ADGRA2: variants seen among roughly 807,000 people sequenced by gnomAD.
The protein encoded by ADGRA2 is G-protein coupled receptor 124.
A neutral mutation model predicts 98.7 loss-of-function variants in ADGRA2; 61 were observed. The ratio of observed to expected loss-of-function variants is 0.62; its 90% CI spans 0.50 to 0.76. The LOEUF (loss-of-function observed/expected upper bound fraction) is 0.76, where lower values mean the gene tolerates loss of function less well. Ranked by LOEUF, ADGRA2 falls within the 30% of genes least tolerant of loss-of-function variation. The pLI, the probability that ADGRA2 is intolerant of heterozygous loss-of-function variation, is 0.00. For synonymous variants in ADGRA2, 858 were observed against 831.5 expected (o/e 1.03, Z -0.55); for missense variants, 1,712 against 1,860.0 (o/e 0.92, Z 1.46).
chr8:37,821,199 C>G (rs1198583271), intron 2 of ADGRA2, among the ~76,000 whole-genome samples: 3 of 152,196 alleles, frequency 2.0e-5, no homozygotes, highest in Non-Finnish European at 4.4e-5. Flanking sequence ...GTGGAATCAT[C>G]CCTCCTTCTT....
At chr8:37,817,399 C>T (rs1805011282) in intron 2 of ADGRA2, among the ~76,000 whole-genome samples, 1 of 152,172 alleles carries the variant, frequency 6.6e-6, no homozygotes, top group African/African-American at 2.4e-5. Flanking sequence ...GAAGGGCTGC[C>T]ACCAAGCTGC....
At position 37,828,955 on chromosome 8, in the gene ADGRA2, C is replaced by T. The variant is rs1394320517; in HGVS notation, c.406C>T (p.Arg136Cys). ...GAFLGLGELK[R>C]LDLSNNRIGC... ...CTTCCTGGGCCTGGGGGAGCTGAAG[C>T]GTTTGTGAGTGGCACGCCCTCCCCT... The change falls in exon 3 of 19, where the codon CGT becomes TGT. Residue 136 changes from arginine to cysteine, a missense_variant. Arg to Cys is a radical substitution (Grantham distance 180, BLOSUM62 -3). Coordinates refer to ENST00000412232, the MANE Select transcript of ADGRA2 (RefSeq NM_032777.10). 3.8e-6 allele frequency: 6 copies of T among 1,573,344 alleles called. No homozygotes were observed. Among genetic ancestry groups the T allele is most frequent in the Admixed American group, 3.8e-5 (2 of 53,242 alleles).
At position 37,841,351 on chromosome 8, in the gene ADGRA2, C is replaced by T. The variant is rs1220751594; in HGVS notation, c.3013C>T (p.Pro1005Ser). ...GAGCGCGCGAGTGGGGACGCCCGGG[C>T]CCCCGGAGGATGGTGACAGCCTCTA... ...TGSARVGTPG[P>S]PEDGDSLYSP... Residue 1005 changes from proline to serine, a missense_variant, in exon 19 of 19, where the codon CCC (proline) becomes TCC (serine). Transcript: ENST00000412232. The surrounding 1 kb of genome is among the most constrained non-coding windows in gnomAD (Gnocchi z 5.0). 1.2e-6 allele frequency: 2 copies of T among 1,605,796 alleles called. No individual in the cohort carries two copies. Among genetic ancestry groups the T allele is most frequent in the Admixed American group, 1.7e-5 (1 of 58,594 alleles).
Position 37,844,439 on chromosome 8 carries a change from GAATGTTATCAA to G in ADGRA2, c.*2085_*2095del. On this transcript the variant is annotated 3_prime_UTR_variant, in exon 19 of 19. Coordinates refer to ENST00000412232, the MANE Select transcript of ADGRA2 (RefSeq NM_032777.10). ...ACACTTCCATCCTTGGTTATAACAG[GAATGTTATCAA>G]GCTGTCAGAACAGGATGAAGTGCTC... The G allele has an allele frequency of 6.3e-7, 1 of 1,583,594 alleles. No individual in the cohort carries two copies. Among genetic ancestry groups the G allele is most frequent in the Non-Finnish European group, 8.6e-7 (1 of 1,162,224 alleles).
chr8:37,827,405 G>A (rs759808607), intron 2 of ADGRA2, among the ~76,000 whole-genome samples: 8 of 152,266 alleles, frequency 5.3e-5, no homozygotes, highest in African/African-American at 7.2e-5. Context: ...CCAGCAGGTC[G>A]CCTGTGGGTG....
chr8:37,821,697 G>C (rs964133451), intron 2 of ADGRA2, among the ~76,000 whole-genome samples: 1 of 152,170 alleles, frequency 6.6e-6, no homozygotes, highest in African/African-American at 2.4e-5. Context: ...CCAGAGGCTC[G>C]TGCACGGCTA....
At chr8:37,806,104 G>A (rs559699656) in intron 1 of ADGRA2, among the ~76,000 whole-genome samples, 1 of 152,244 alleles carries the variant, frequency 6.6e-6, no homozygotes, top group East Asian at 1.9e-4. Context: ...TCAGTTGGGG[G>A]TAATTTCCCA....
intron 1 of ADGRA2, among the ~76,000 whole-genome samples, chr8:37,813,147 T>C (rs1425992491): frequency 6.6e-6 from 1 of 152,138 alleles, no homozygotes; most frequent in African/African-American, 2.4e-5. Flanking sequence ...GGAGGATCCC[T>C]TGAGCCCAGG....
intron 1 of ADGRA2, among the ~76,000 whole-genome samples, chr8:37,810,333 A>G (rs1804791468): frequency 6.6e-6 from 1 of 151,674 alleles, no homozygotes; most frequent in African/African-American, 2.4e-5. Context: ...ACATGGTGAA[A>G]CCCCGTTTCT....
chr8:37,831,414 C>T lies in ADGRA2; in HGVS notation c.933-9C>T, dbSNP rs762813251. The T allele has an allele frequency of 1.4e-5, 22 of 1,608,390 alleles. No homozygotes were observed. On this transcript the variant is annotated splice_polypyrimidine_tract_variant and intron_variant, in intron 7 of 18. Transcript: ENST00000412232. ...TGACTCACGAGCCAGCTCCACCTGC[C>T]ACCCGCAGTGAGCTGACGCTGTCTC...
intron 2 of ADGRA2, among the ~76,000 whole-genome samples, chr8:37,823,610 C>T (rs1805186897): frequency 6.6e-6 from 1 of 152,204 alleles, no homozygotes; most frequent in Non-Finnish European, 1.5e-5. Flanking sequence ...AGTGGAATTT[C>T]TGGGTCATAT....
Position 37,834,096 on chromosome 8 carries a change from G to T in ADGRA2, c.1576G>T (p.Ala526Ser), listed in dbSNP as rs533313019. Residue 526 changes from alanine (A) to serine (S), a missense_variant, in exon 11 of 19, where the codon GCC (alanine) becomes TCC (serine). Coordinates refer to ENST00000412232, the MANE Select transcript of ADGRA2 (RefSeq NM_032777.10). The surrounding 1 kb of genome is among the most constrained non-coding windows in gnomAD (Gnocchi z 4.2). The stretch of plus-strand genomic sequence containing the variant: ...TGCCCTGGAGCGCATTGGGGGGGCC[G>T]CCCTCAGCCCCCATGCCCAGCACAT... ...VGALERIGGA[A>S]LSPHAQHISV... The T allele has an allele frequency of 4.3e-5, 70 of 1,612,248 alleles. No individual in the cohort carries two copies. In the South Asian group the frequency reaches 7.3e-4, roughly 17 times the overall value.
chr8:37,805,412 A>C (rs115456681), intron 1 of ADGRA2, among the ~76,000 whole-genome samples: 79 of 152,164 alleles, frequency 5.2e-4, no homozygotes, highest in African/African-American at 1.8e-3. Context: ...AACATTGATA[A>C]CTTCCATCCT....
rs113270504 is a variant in ADGRA2 at position 37,835,186 on chromosome 8, G to A, written c.1621G>A (p.Val541Met). Reference sequence around the variant, plus strand: ...TCCCTGTCCCCAGAATGCGAGGAACGTGGCATTGGAGGCCTACCTCATCAA... The same window carrying A: ...TCCCTGTCCCCAGAATGCGAGGAACATGGCATTGGAGGCCTACCTCATCAA... ...AQHISVNARN[V>M]ALEAYLIKPH... Residue 541 changes from valine to methionine, a missense_variant, in exon 12 of 19, where the codon GTG becomes ATG. Physicochemically the swap from Val to Met is conservative, Grantham distance 21 (BLOSUM62 1). Coordinates refer to ENST00000412232, the MANE Select transcript of ADGRA2 (RefSeq NM_032777.10). The A allele has an allele frequency of 0.02, 31,508 of 1,613,046 alleles. 387 individuals are homozygous for A. The highest frequency in any genetic ancestry group is 0.023 in the Non-Finnish European group (27,240 of 1,179,198).
At chr8:37,818,804 G>A (rs1365802521) in intron 2 of ADGRA2, among the ~76,000 whole-genome samples, 1 of 152,234 alleles carries the variant, frequency 6.6e-6, no homozygotes, top group Non-Finnish European at 1.5e-5. Context: ...GCAGGGTAAG[G>A]AGGTGAGAAA....
At chr8:37,816,925 AAAACACACACACACAC>A (rs1804996919) in intron 2 of ADGRA2, among the ~76,000 whole-genome samples, 1 of 91,590 alleles carries the variant, frequency 1.1e-5, no homozygotes, top group African/African-American at 5.1e-5. Context: ...AAAAGAAAGC[AAAACACACACACACAC>A]ACACACACAC....
Position 37,814,100 on chromosome 8 carries a change from C to T in ADGRA2, c.267-796C>T, listed in dbSNP as rs1804915642. ...ATAAGCAATTAACTGGGGGATGAGC[C>T]CTTTGGCTGGCCTGGATCTCCCTCC... On this transcript the variant is annotated intron_variant, in intron 1 of 18. Transcript: ENST00000412232. This position sits in a 1 kb window ranked among gnomAD's most constrained non-coding sequence, Gnocchi z 4.3. Among the ~76,000 whole-genome samples, 1 of 152,152 alleles carries T rather than the reference C, an allele frequency of 6.6e-6. No homozygotes were observed. The highest frequency in any genetic ancestry group is 1.5e-5 in the Non-Finnish European group (1 of 68,024).
At chr8:37,799,313 T>A (rs1804431750) in intron 1 of ADGRA2, among the ~76,000 whole-genome samples, 2 of 150,886 alleles carry the variant, frequency 1.3e-5, no homozygotes, top group Non-Finnish European at 2.9e-5. Flanking sequence ...AGGCGGAGGT[T>A]GCAGTGAGCC....
chr8:37,803,048 T>C (rs1349192940), intron 1 of ADGRA2, among the ~76,000 whole-genome samples: 2 of 152,138 alleles, frequency 1.3e-5, no homozygotes, highest in Admixed American at 6.5e-5. Context: ...CAACCCCTCG[T>C]CCTGGGGGGA....
Sources: allele counts gnomAD v4.1 joint callset (sites outside exome capture counted in the v4.1 genomes callset), GRCh38; gene constraint gnomAD v4.1.1; non-coding constraint Gnocchi (gnomAD v3.1); transcripts MANE v1.5; gene names NCBI Gene and HGNC (gene_info 2026-07-23, HGNC 2026-07-21).